Variants in SPACA9 observed in about 807,000 individuals in gnomAD.
The protein encoded by SPACA9 is sperm acrosome associated 9.
A neutral mutation model predicts 12.5 loss-of-function variants in SPACA9; 14 were observed. That is an observed-to-expected ratio of 1.12 (90% CI 0.74 to 1.75). SPACA9 has a LOEUF of 1.75. Ranked by LOEUF, SPACA9 falls within the 40% of genes most tolerant of loss-of-function variation. The pLI is 0.00. For missense variants in SPACA9, 292 were observed against 291.9 expected (o/e 1.00, Z 0.00); for synonymous variants, 111 against 114.1 (o/e 0.97, Z 0.17).
At chr9:132,886,992 A>G (rs1022898552) in intron 2 of SPACA9, among the ~76,000 whole-genome samples, 1 of 151,204 alleles carries the variant, frequency 6.6e-6, no homozygotes, top group Non-Finnish European at 1.5e-5. Flanking sequence ...TTTTTTTCCT[A>G]GTAGAGATGG....
At position 132,884,109 on chromosome 9, in the gene SPACA9, C is replaced by T. The variant is rs750693741; in HGVS notation, c.144+18C>T. ...TTGGACAGGTGGGGCTCCCGACCCC[C>T]ACCCCGGCCGAGGGGCAACAAGCCC... On this transcript the variant is annotated intron_variant, in intron 2 of 3. Transcript: ENST00000356311. 4.4e-6 allele frequency: 7 copies of T among 1,606,684 alleles called. No homozygotes were observed. Among genetic ancestry groups the T allele is most frequent in the African/African-American group, 2.7e-5 (2 of 74,788 alleles).
chr9:132,883,047 G>A (rs1380519272), intron 1 of SPACA9, among the ~76,000 whole-genome samples: 3 of 152,182 alleles, frequency 2.0e-5, no homozygotes, highest in Non-Finnish European at 4.4e-5. Context: ...CAGCAAAACT[G>A]TGATGTCATG....
At position 132,887,990 on chromosome 9, in the gene SPACA9, T is replaced by C. The variant is rs963174630; in HGVS notation, c.348-300T>C. Among the ~76,000 whole-genome samples the C allele has an allele frequency of 3.9e-5, 6 of 152,124 alleles. No homozygotes were observed. Among genetic ancestry groups the C allele is most frequent in the African/African-American group, 1.4e-4 (6 of 41,418 alleles). On this transcript the variant is annotated intron_variant, in intron 3 of 3. Transcript: ENST00000356311. The surrounding 1 kb of genome is among the most constrained non-coding windows in gnomAD (Gnocchi z 5.4). ...CCAGAGCCTGGGGAAGCTCTGTAGA[T>C]ACCAGGGTGAGAAGAGCCAGAGGGA... is the stretch of plus-strand genomic sequence containing the variant.
chr9:132,888,482 TCG>T lies in SPACA9; in HGVS notation c.541_542del (p.Arg181SerfsTer13). 1 of 1,608,232 alleles carries T rather than the reference TCG, an allele frequency of 6.2e-7. No homozygotes were observed. The highest frequency in any genetic ancestry group is 8.5e-7 in the Non-Finnish European group (1 of 1,177,754). ...ACCAGGAGAGCACCAGGGGAGCCGCTCGTCCTGCCCAGGCCATAGGGACCCAG... is the reference window on the plus strand; with the variant it reads ...ACCAGGAGAGCACCAGGGGAGCCGCTTCCTGCCCAGGCCATAGGGACCCAG... ...AHQESTRGAARPAQAIGTQPR... is the reference protein window; with the variant it reads ...AHQESTRGAAXPAQAIGTQPR... On this transcript the variant is annotated frameshift_variant, in exon 4 of 4. Transcript: ENST00000356311. LOFTEE classifies it low-confidence loss of function (END_TRUNC). This position sits in a 1 kb window ranked among gnomAD's most constrained non-coding sequence, Gnocchi z 5.0.
At chr9:132,886,936 C>T (rs938318258) in intron 2 of SPACA9, among the ~76,000 whole-genome samples, 14 of 151,994 alleles carry the variant, frequency 9.2e-5, no homozygotes, top group African/African-American at 3.1e-4. Flanking sequence ...CTCAGCCTCC[C>T]GAGTAGCTGG....
At position 132,888,066 on chromosome 9, in the gene SPACA9, C is replaced by T. The variant is rs1844619701; in HGVS notation, c.348-224C>T. Among the ~76,000 whole-genome samples, 1 of 152,188 alleles carries T rather than the reference C, an allele frequency of 6.6e-6. No homozygotes were observed. Among genetic ancestry groups the T allele is most frequent in the Non-Finnish European group, 1.5e-5 (1 of 68,032 alleles). ...ACCCAGGTTTCTACGGACCATGGGG[C>T]AGTGGTTTGCATCTCCTGTCTTTCA... On this transcript the variant is annotated intron_variant, in intron 3 of 3. Transcript: ENST00000356311. The surrounding 1 kb of genome is among the most constrained non-coding windows in gnomAD (Gnocchi z 5.0).
chr9:132,878,817 A>G, upstream of SPACA9: 13 of 976,724 alleles, frequency 1.3e-5, no homozygotes, highest in Non-Finnish European at 1.6e-5. This position sits in a 1 kb window ranked among gnomAD's most constrained non-coding sequence, Gnocchi z 4.7. Flanking sequence ...CCAAGCCGCC[A>G]AGTGACCCGA....
rs1343489004 is a variant in SPACA9, at chr9:132,887,442, G to T, written c.218G>T (p.Cys73Phe). The T allele has an allele frequency of 6.2e-7, 1 of 1,613,258 alleles. No individual in the cohort carries two copies. Among genetic ancestry groups the T allele is most frequent in the African/African-American group, 1.3e-5 (1 of 74,886 alleles). Reference sequence around the variant, plus strand: ...GTTCTGCTCATGTTCCTGGACATCTGTTCAGAGCTGAATAAGCTCTGCCAG... The same window carrying T: ...GTTCTGCTCATGTTCCTGGACATCTTTTCAGAGCTGAATAAGCTCTGCCAG... ...RRVLLMFLDI[C>F]SELNKLCQHF... The change falls in exon 3 of 4, where the codon TGT becomes TTT. Residue 73 changes from cysteine to phenylalanine, a missense_variant. Transcript: ENST00000356311. This position sits in a 1 kb window ranked among gnomAD's most constrained non-coding sequence, Gnocchi z 5.4.
At position 132,887,812 on chromosome 9, in the gene SPACA9, G is replaced by C. The variant is rs1171614969; in HGVS notation, c.347+241G>C. ...TGTTAGCACCAGGCAGGTGGAGAAG[G>C]GGGTGTAGAGCCCAGAGCAGTTGCC... On this transcript the variant is annotated intron_variant, in intron 3 of 3. Coordinates refer to ENST00000356311, the MANE Select transcript of SPACA9 (RefSeq NM_001316897.2). The surrounding 1 kb of genome is among the most constrained non-coding windows in gnomAD (Gnocchi z 5.4). 6.6e-6 allele frequency among the ~76,000 whole-genome samples: 1 copy of C among 152,166 alleles called. No individual in the cohort carries two copies. The highest frequency in any genetic ancestry group is 1.5e-5 in the Non-Finnish European group (1 of 68,014).
intron 1 of SPACA9, 48 bp from the exon 2 acceptor site, chr9:132,883,863 C>A: frequency 6.9e-7 from 1 of 1,454,086 alleles, no homozygotes; most frequent in Non-Finnish European, 9.6e-7. Flanking sequence ...GAGCTGGATC[C>A]GAGCATTGGG....
At chr9:132,883,039 G>C (rs1844468172) in intron 1 of SPACA9, among the ~76,000 whole-genome samples, 1 of 152,150 alleles carries the variant, frequency 6.6e-6, no homozygotes, top group African/African-American at 2.4e-5. Context: ...CACGCGCTCA[G>C]CAAAACTGTG....
chr9:132,888,256 G>T lies in SPACA9; in HGVS notation c.348-34G>T. The T allele has an allele frequency of 6.4e-7, 1 of 1,569,268 alleles. No individual in the cohort carries two copies. Among genetic ancestry groups the T allele is most frequent in the Non-Finnish European group, 8.7e-7 (1 of 1,155,886 alleles). ...TGCCACGGCATGGCAAGTCCCGGGA[G>T]CATGGGTTCACCTGGCCCCCTGCCG... On this transcript the variant is annotated intron_variant, in intron 3 of 3. Transcript: ENST00000356311. This position sits in a 1 kb window ranked among gnomAD's most constrained non-coding sequence, Gnocchi z 5.0.
At chr9:132,886,587 CT>C (rs1844570515) in intron 2 of SPACA9, among the ~76,000 whole-genome samples, 1 of 152,224 alleles carries the variant, frequency 6.6e-6, no homozygotes, top group Admixed American at 6.5e-5. Flanking sequence ...GGACACCCAA[CT>C]AAGCCACTGG....
chr9:132,883,513 C>A (rs543562071), intron 1 of SPACA9, among the ~76,000 whole-genome samples: 1 of 152,068 alleles, frequency 6.6e-6, no homozygotes, highest in Non-Finnish European at 1.5e-5. Context: ...TGTGTGTACA[C>A]GCGTGCGTGT....
At chr9:132,879,226 A>G (rs541038157) in intron 1 of SPACA9, among the ~76,000 whole-genome samples, 1 of 152,326 alleles carries the variant, frequency 6.6e-6, no homozygotes, top group South Asian at 2.1e-4. Flanking sequence ...GGGCAGCTTG[A>G]TATTTTATTA....
Position 132,885,512 on chromosome 9 carries a change from CAA to C in SPACA9, c.144+1443_144+1444del, listed in dbSNP as rs56183351. Among the ~76,000 whole-genome samples the C allele has an allele frequency of 2.1e-3, 138 of 65,518 alleles. 1 individual carries two copies. Among genetic ancestry groups the C allele is most frequent in the African/African-American group, 5.4e-3 (88 of 16,330 alleles). 43.0% of individuals were successfully genotyped at this position (65,518 alleles called of 152,430 possible). ...TGGGTGACACAGCAAGACCCTGTCT[CAA>C]AAAAAAAAAAAAAAAAAAAAAGTTA... is the stretch of plus-strand genomic sequence containing the variant. On this transcript the variant is annotated intron_variant, in intron 2 of 3. Coordinates refer to ENST00000356311, the MANE Select transcript of SPACA9 (RefSeq NM_001316897.2).
At chr9:132,878,450 C>G, upstream of SPACA9, 1 of 1,225,732 alleles carries the variant, frequency 8.2e-7, no homozygotes, top group Non-Finnish European at 1.0e-6. This position sits in a 1 kb window ranked among gnomAD's most constrained non-coding sequence, Gnocchi z 4.7. Flanking sequence ...AGTTCTTTCC[C>G]CAACCCCGGC....
At chr9:132,878,620 C>CG (rs1023538395), upstream of SPACA9, 7 of 1,064,014 alleles carry the variant, frequency 6.6e-6, no homozygotes, top group African/African-American at 8.4e-5. The surrounding 1 kb of genome is among the most constrained non-coding windows in gnomAD (Gnocchi z 4.7). Context: ...CAGTGCTCCC[C>CG]GGCCCGGCTC....
Position 132,889,719 on chromosome 9 carries a change from C to T in SPACA9, c.*1108C>T. On this transcript the variant is annotated 3_prime_UTR_variant, in exon 4 of 4. Transcript: ENST00000356311. ...TGTGAGCCACGGCACCTGGCCAGAA[C>T]TCAGTAGTGTGTTTAGTTCTCTGGA... 1 of 1,175,092 alleles carries T rather than the reference C, an allele frequency of 8.5e-7. No homozygotes were observed. Among genetic ancestry groups the T allele is most frequent in the Non-Finnish European group, 1.1e-6 (1 of 945,186 alleles). 72.8% of individuals were successfully genotyped at this position (1,175,092 alleles called of 1,614,324 possible).
Sources: gnomAD v4.1 joint callset for allele counts (sites outside exome capture counted in the v4.1 genomes callset) on GRCh38, gnomAD v4.1.1 for gene constraint, Gnocchi (gnomAD v3.1) non-coding constraint, MANE v1.5 for transcripts, NCBI Gene and HGNC (gene_info 2026-07-23, HGNC 2026-07-21) for gene names.